RAB44: variants seen among roughly 807,000 people sequenced by gnomAD.
The protein encoded by RAB44 is ras-related protein Rab-44.
A neutral mutation model predicts 93.3 loss-of-function variants in RAB44; 67 were observed. The observed-to-expected ratio is 0.72, with a 90% CI of 0.59 to 0.88. The LOEUF is 0.88. RAB44 is among the 40% of genes least tolerant of loss of function. The probability of loss-of-function intolerance (pLI) is 0.00; values close to 1 mark genes in which losing one functional copy is unlikely to be tolerated. For missense variants in RAB44, 1,064 were observed against 1,261.7 expected (o/e 0.84, Z 2.37); for synonymous variants, 427 against 520.3 (o/e 0.82, Z 2.44).
intron 13 of RAB44, 34 bp downstream of exon 13, chr6:36,730,783 C>T: frequency 6.4e-6 from 7 of 1,093,056 alleles, no homozygotes; most frequent in African/African-American, 1.8e-5. Flanking sequence ...GCCCCCACCC[C>T]CCCCCTTGCA....
Position 36,730,733 on chromosome 6 carries a change from G to A in RAB44, c.2959G>A (p.Val987Ile), listed in dbSNP as rs944312770. The change falls in exon 13 of 14, where the codon GTA becomes ATA. Residue 987 changes from valine to isoleucine, a missense_variant. Transcript: ENST00000612677. ...CTTGGGTCACAACATCCTGGAGCCT[G>A]TAGTAAACCTGGCCAGGTAAGTGCT... Reference protein sequence around the residue: ...AALGHNILEPVVNLARSLRMQ... With the variant: ...AALGHNILEPIVNLARSLRMQ... The A allele has an allele frequency of 6.5e-6, 8 of 1,233,924 alleles. No homozygotes were observed. In the African/African-American group the frequency reaches 1.1e-4, roughly 17 times the overall value. 76.4% of individuals were successfully genotyped at this position (1,233,924 alleles called of 1,614,324 possible).
At chr6:36,705,499 C>T (rs1214673968) in intron 2 of RAB44, among the ~76,000 whole-genome samples, 1 of 149,642 alleles carries the variant, frequency 6.7e-6, no homozygotes, top group Non-Finnish European at 1.5e-5. Context: ...TCTCCTGCTT[C>T]AGCCTCCCAA....
intron 9 of RAB44, among the ~76,000 whole-genome samples, chr6:36,724,683 A>ACCAACCAT (rs1258775275): frequency 4.0e-5 from 6 of 151,562 alleles, no homozygotes; most frequent in African/African-American, 1.5e-4. Flanking sequence ...CAACCAACCA[A>ACCAACCAT]CCAACCAACC....
chr6:36,725,801 G>A, intron 9 of RAB44, 61 bp from the exon 10 acceptor site: 5 of 1,179,564 alleles, frequency 4.2e-6, no homozygotes, highest in Non-Finnish European at 6.2e-6. Flanking sequence ...ACTGGGGTAG[G>A]CCTTGGCTAG....
chr6:36,712,213 G>C (rs552428118), intron 2 of RAB44, among the ~76,000 whole-genome samples: 1 of 151,918 alleles, frequency 6.6e-6, no homozygotes, highest in Non-Finnish European at 1.5e-5. Context: ...TGAGGCAGGA[G>C]AATTAGTTGA....
chr6:36,728,716 G>C lies in RAB44; in HGVS notation c.2813G>C (p.Gly938Ala). ...LDCLQDAGSD[G>A]VVILLLGNKM... is the part of the protein sequence containing the mutation. ...TGTGTGCAGGATGCAGGGTCGGATG[G>C]GGTGGTCATCCTTCTCCTGGGAAAC... The change falls in exon 12 of 14, where the codon GGG (glycine) becomes GCG (alanine). Residue 938 changes from glycine (G) to alanine (A), a missense_variant. By Grantham distance (60) the Gly-to-Ala change is moderately conservative. Transcript: ENST00000612677. The C allele has an allele frequency of 6.4e-7, 1 of 1,550,582 alleles. No homozygotes were observed. The highest frequency in any genetic ancestry group is 1.4e-5 in the African/African-American group (1 of 73,152).
chr6:36,726,037 C>A lies in RAB44; in HGVS notation c.2681+94C>A, dbSNP rs899933120. ...CAGCCCTAATAACACAGGCAGGAGGCAACTGCCCCCCAAGGATTCAGGAGG... is the reference window on the plus strand; with the variant it reads ...CAGCCCTAATAACACAGGCAGGAGGAAACTGCCCCCCAAGGATTCAGGAGG... On this transcript the variant is annotated intron_variant, in intron 10 of 13. Coordinates refer to ENST00000612677, the MANE Select transcript of RAB44 (RefSeq NM_001257357.2). The A allele has an allele frequency of 1.6e-5, 15 of 937,156 alleles. No individual in the cohort carries two copies. In the African/African-American group the frequency reaches 2.3e-4, roughly 14 times the overall value. The allele number at this position is 937,156 out of a possible 1,614,324, so 58.1% of individuals were successfully genotyped here.
intron 7 of RAB44, among the ~76,000 whole-genome samples, 161 bp downstream of exon 7, chr6:36,718,749 G>A (rs1052878262): frequency 2.0e-5 from 3 of 152,338 alleles, no homozygotes; most frequent in Admixed American, 1.3e-4. Flanking sequence ...TGCCTGGCAC[G>A]TAGTAGGTGC....
chr6:36,722,434 C>T lies in RAB44; in HGVS notation c.2300C>T (p.Thr767Ile). The change falls in exon 9 of 14, where the codon ACC becomes ATC. Residue 767 changes from threonine to isoleucine, a missense_variant. Thr to Ile is a moderately conservative substitution (Grantham distance 89, BLOSUM62 -1). Transcript: ENST00000612677. ...CAGGAACCCACGCAAACCCCTCCCA[C>T]CATGGCTGAGCAGGAAGCCCAACCC... is the stretch of plus-strand genomic sequence containing the variant. ...GPQEPTQTPP[T>I]MAEQEAQPRP... is the part of the protein sequence containing the mutation. The T allele has an allele frequency of 1.4e-6, 2 of 1,435,008 alleles. No individual in the cohort carries two copies. The highest frequency in any genetic ancestry group is 1.8e-6 in the Non-Finnish European group (2 of 1,098,368). 88.9% of individuals were successfully genotyped at this position (1,435,008 alleles called of 1,614,324 possible).
At chr6:36,706,057 G>A (rs57797466) in intron 2 of RAB44, among the ~76,000 whole-genome samples, 10,279 of 152,036 alleles carry the variant, frequency 0.068, 877 homozygotes, top group African/African-American at 0.2. Context: ...AGGCCACTAC[G>A]CCTGGCTGAT....
In RAB44 at chr6:36,717,269, C is replaced by A; in HGVS notation, c.495-4C>A. ...CCCATCTCTGGCTGTCTTCCCCTCCCCAGGCAGATGGAAATCTGGCAACTG... is the reference window on the plus strand; with the variant it reads ...CCCATCTCTGGCTGTCTTCCCCTCCACAGGCAGATGGAAATCTGGCAACTG... On this transcript the variant is annotated splice_polypyrimidine_tract_variant and splice_region_variant and intron_variant, in intron 4 of 13. Coordinates refer to ENST00000612677, the MANE Select transcript of RAB44 (RefSeq NM_001257357.2). The surrounding 1 kb of genome is among the most constrained non-coding windows in gnomAD (Gnocchi z 4.1). 1 of 1,232,164 alleles carries A rather than the reference C, an allele frequency of 8.1e-7. No individual in the cohort carries two copies. The highest frequency in any genetic ancestry group is 3.1e-4 in the Middle Eastern group (1 of 3,208). The allele number at this position is 1,232,164 out of a possible 1,614,324, so 76.3% of individuals were successfully genotyped here.
chr6:36,728,123 C>T (rs1028170455), intron 11 of RAB44, among the ~76,000 whole-genome samples: 4 of 152,168 alleles, frequency 2.6e-5, no homozygotes, highest in African/African-American at 9.7e-5. Context: ...ATGTTGCCTT[C>T]TCTCTGGAAG....
In RAB44 at chr6:36,720,453, G is replaced by A. The variant is rs555627089; in HGVS notation, c.919G>A (p.Gly307Arg). Reference protein sequence around the residue: ...QLQEAKRDLAGRLEEVRGQLQ... With the variant: ...QLQEAKRDLARRLEEVRGQLQ... ...GCAGGAGGCCAAGCGTGACCTGGCT[G>A]GGCGGCTGGAGGAGGTGCGGGGGCA... The change falls in exon 8 of 14, where the codon GGG becomes AGG. Residue 307 changes from glycine (G) to arginine (R), a missense_variant. Coordinates refer to ENST00000612677, the MANE Select transcript of RAB44 (RefSeq NM_001257357.2). 112 of 1,232,980 alleles carry A rather than the reference G, an allele frequency of 9.1e-5. No homozygotes were observed. The African/African-American group carries it at 1.2e-3, about 14-fold the overall frequency. 76.4% of individuals were successfully genotyped at this position (1,232,980 alleles called of 1,614,324 possible). A position where few individuals can be genotyped will look rare whatever the true frequency, so the allele number is the denominator to read the frequency against.
At chr6:36,723,873 A>AGG (rs1763164515) in intron 9 of RAB44, among the ~76,000 whole-genome samples, 1 of 136,998 alleles carries the variant, frequency 7.3e-6, no homozygotes, top group African/African-American at 2.7e-5. Context: ...GAGGGAATGG[A>AGG]GGGGAGACCC....
Position 36,717,466 on chromosome 6 carries a change from T to G in RAB44, c.641+47T>G. ...GTGTCTGATACGAAGTAGGTGCTCT[T>G]CACATTCCAGTGGAATCTGGTTGAA... is the stretch of plus-strand genomic sequence containing the variant. On this transcript the variant is annotated intron_variant, in intron 5 of 13. Coordinates refer to ENST00000612677, the MANE Select transcript of RAB44 (RefSeq NM_001257357.2). This position sits in a 1 kb window ranked among gnomAD's most constrained non-coding sequence, Gnocchi z 4.1. 1 of 1,231,664 alleles carries G rather than the reference T, an allele frequency of 8.1e-7. No homozygotes were observed. The highest frequency in any genetic ancestry group is 1.0e-6 in the Non-Finnish European group (1 of 987,960). The allele number at this position is 1,231,664 out of a possible 1,614,324, so 76.3% of individuals were successfully genotyped here.
In RAB44 at chr6:36,722,668, G is replaced by A; in HGVS notation, c.2534G>A (p.Gly845Asp). The A allele has an allele frequency of 6.4e-7, 1 of 1,550,666 alleles. No homozygotes were observed. Among genetic ancestry groups the A allele is most frequent in the Non-Finnish European group, 8.7e-7 (1 of 1,147,018 alleles). ...HVIFLGDSNV[G>D]KTSFLHLLHQ... ...ATCTTTCTGGGAGACTCCAACGTGGGCAAAACATCCTTCCTGCACCTGCTG... is the reference window on the plus strand; with the variant it reads ...ATCTTTCTGGGAGACTCCAACGTGGACAAAACATCCTTCCTGCACCTGCTG... The change falls in exon 9 of 14, where the codon GGC (glycine) becomes GAC (aspartate). Residue 845 changes from glycine (G) to aspartate (D), a missense_variant. Transcript: ENST00000612677.
chr6:36,707,608 C>T (rs917211259), intron 2 of RAB44, among the ~76,000 whole-genome samples: 1 of 152,204 alleles, frequency 6.6e-6, no homozygotes, highest in Admixed American at 6.5e-5. Context: ...AATCCTCAGT[C>T]TACTAGCTCA....
chr6:36,727,952 GTCT>G (rs1332980047), intron 11 of RAB44, among the ~76,000 whole-genome samples: 2 of 152,200 alleles, frequency 1.3e-5, no homozygotes, highest in Admixed American at 6.5e-5. Context: ...TGTTTGTAAT[GTCT>G]TCTTCTTACA....
chr6:36,720,355 C>T lies in RAB44; in HGVS notation c.829-8C>T, dbSNP rs1763041011. ...GGGCTTCTCTCCGCCTCACCCTCCA[C>T]CCTGCAGCTGGAGGCCCAGCTCTCC... On this transcript the variant is annotated splice_polypyrimidine_tract_variant and splice_region_variant and intron_variant, in intron 7 of 13. Transcript: ENST00000612677. 4.9e-6 allele frequency: 6 copies of T among 1,232,266 alleles called. No homozygotes were observed. Among genetic ancestry groups the T allele is most frequent in the Non-Finnish European group, 6.1e-6 (6 of 988,122 alleles). The allele number at this position is 1,232,266 out of a possible 1,614,324, so 76.3% of individuals were successfully genotyped here.
Sources: allele counts gnomAD v4.1 joint callset (sites outside exome capture counted in the v4.1 genomes callset), GRCh38; gene constraint gnomAD v4.1.1; non-coding constraint Gnocchi (gnomAD v3.1); transcripts MANE v1.5; gene names NCBI Gene and HGNC (gene_info 2026-07-23, HGNC 2026-07-21).